The following GNB1 variants were observed in gnomAD, a reference collection of about 807,000 sequenced individuals.
The protein encoded by GNB1 is G protein subunit beta 1.
Under a neutral mutation model 42.9 loss-of-function variants are expected in GNB1, and 2 were observed. The ratio of observed to expected loss-of-function variants is 0.05; its 90% CI spans 0.02 to 0.15. The LOEUF (loss-of-function observed/expected upper bound fraction) is 0.15. Among genes scored for constraint, GNB1 ranks in the 10% least tolerant of loss-of-function variants. The pLI is 1.00. For synonymous variants in GNB1, 183 were observed against 174.7 expected (o/e 1.05, Z -0.38); for missense variants, 193 against 462.2 (o/e 0.42, Z 5.34).
intron 4 of GNB1, among the ~76,000 whole-genome samples, chr1:1,816,312 G>A (rs965239970): frequency 2.6e-5 from 4 of 152,116 alleles, no homozygotes; most frequent in African/African-American, 4.8e-5. Flanking sequence ...GCTTCTGCAC[G>A]ACCATCACTT....
At chr1:1,889,322 T>C (rs1650335668) in intron 1 of GNB1, among the ~76,000 whole-genome samples, 1 of 152,202 alleles carries the variant, frequency 6.6e-6, no homozygotes. Flanking sequence ...TGTTATCAGA[T>C]AGATAGCAAC....
At chr1:1,845,035 C>A (rs914152375) in intron 1 of GNB1, among the ~76,000 whole-genome samples, 1 of 152,132 alleles carries the variant, frequency 6.6e-6, no homozygotes, top group Non-Finnish European at 1.5e-5. Context: ...GTATCATAAT[C>A]TTCAACTATA....
chr1:1,848,322 T>C (rs1647785610), intron 1 of GNB1, among the ~76,000 whole-genome samples: 1 of 136,228 alleles, frequency 7.3e-6, no homozygotes, highest in Non-Finnish European at 1.5e-5. Flanking sequence ...GAGGCTGCAG[T>C]GAGCCAAGAC....
intron 1 of GNB1, among the ~76,000 whole-genome samples, chr1:1,846,724 A>C (rs558229172): frequency 6.6e-6 from 1 of 152,238 alleles, no homozygotes; most frequent in African/African-American, 2.4e-5. Flanking sequence ...GCACGTGACT[A>C]AATTTTTTGT....
chr1:1,847,313 G>T (rs996912843), intron 1 of GNB1, among the ~76,000 whole-genome samples: 1 of 136,068 alleles, frequency 7.3e-6, no homozygotes, highest in Non-Finnish European at 1.8e-5. Flanking sequence ...CCCTTTTTCT[G>T]GACTGGTTCC....
At chr1:1,888,028 C>CA (rs1017120379) in intron 1 of GNB1, among the ~76,000 whole-genome samples, 4 of 151,784 alleles carry the variant, frequency 2.6e-5, no homozygotes, top group Middle Eastern at 3.2e-3. Flanking sequence ...TCCCACCCAC[C>CA]AAAAAAACAG....
At chr1:1,854,380 C>T (rs1001587861) in intron 1 of GNB1, among the ~76,000 whole-genome samples, 1 of 152,188 alleles carries the variant, frequency 6.6e-6, no homozygotes, top group Non-Finnish European at 1.5e-5. Context: ...CCACTTCTAC[C>T]TCTGAATGTG....
intron 2 of GNB1, among the ~76,000 whole-genome samples, chr1:1,834,730 G>A (rs1457369333): frequency 2.7e-5 from 4 of 148,392 alleles, no homozygotes; most frequent in African/African-American, 9.9e-5. Flanking sequence ...GTGCAGTGGT[G>A]CGATCTCGGC....
At chr1:1,881,150 C>T (rs1396814604) in intron 1 of GNB1, among the ~76,000 whole-genome samples, 1 of 152,180 alleles carries the variant, frequency 6.6e-6, no homozygotes, top group African/African-American at 2.4e-5. Flanking sequence ...AAACTAAACT[C>T]ATCATGACCC....
chr1:1,873,802 A>T (rs1000603361), intron 1 of GNB1, among the ~76,000 whole-genome samples: 2 of 152,112 alleles, frequency 1.3e-5, no homozygotes, highest in Non-Finnish European at 2.9e-5. Context: ...TGGGCGACAG[A>T]GCAAGACTCC....
At chr1:1,838,058 C>T (rs536687077) in intron 2 of GNB1, among the ~76,000 whole-genome samples, 3 of 152,002 alleles carry the variant, frequency 2.0e-5, no homozygotes, top group African/African-American at 7.2e-5. Context: ...CAAAAATTAG[C>T]TGGGTGTGGT....
At chr1:1,806,804 T>C (rs1570644650) in intron 5 of GNB1, among the ~76,000 whole-genome samples, 1 of 152,088 alleles carries the variant, frequency 6.6e-6, no homozygotes, top group Non-Finnish European at 1.5e-5. Context: ...CGAAACCCTG[T>C]CTCTATTAAA....
intron 3 of GNB1, among the ~76,000 whole-genome samples, chr1:1,822,306 T>A (rs1391748319): frequency 2.0e-5 from 3 of 148,276 alleles, no homozygotes; most frequent in Admixed American, 6.7e-5. Flanking sequence ...TTTACTTTTT[T>A]TTTTTTTTTT....
chr1:1,837,174 T>C (rs1647163074), intron 2 of GNB1, among the ~76,000 whole-genome samples: 1 of 152,102 alleles, frequency 6.6e-6, no homozygotes, highest in African/African-American at 2.4e-5. Context: ...TGATCTCACA[T>C]CTAAAAACTG....
chr1:1,875,186 T>C (rs955952736), intron 1 of GNB1, among the ~76,000 whole-genome samples: 2 of 151,280 alleles, frequency 1.3e-5, no homozygotes, highest in African/African-American at 2.4e-5. Flanking sequence ...AGACATTTTA[T>C]CTTTTTCTGG....
chr1:1,847,084 A>G (rs758927295), intron 1 of GNB1, among the ~76,000 whole-genome samples: 4 of 152,130 alleles, frequency 2.6e-5, no homozygotes, highest in Non-Finnish European at 5.9e-5. Flanking sequence ...TCTGGAAAAA[A>G]CTGCCACAAA....
At chr1:1,805,264 G>C (rs1017930512) in intron 6 of GNB1, among the ~76,000 whole-genome samples, 2 of 152,190 alleles carry the variant, frequency 1.3e-5, no homozygotes, top group African/African-American at 4.8e-5. Flanking sequence ...TTCGAGACCA[G>C]CCTGGCCTCA....
intron 1 of GNB1, among the ~76,000 whole-genome samples, chr1:1,853,813 C>T (rs1019547503): frequency 1.3e-5 from 2 of 152,084 alleles, no homozygotes; most frequent in Non-Finnish European, 2.9e-5. Flanking sequence ...TACTCTGGTG[C>T]CAGGCACCAG....
chr1:1,868,221 G>A (rs1465235937), intron 1 of GNB1, among the ~76,000 whole-genome samples: 2 of 151,968 alleles, frequency 1.3e-5, no homozygotes, highest in South Asian at 4.1e-4. Flanking sequence ...TTTTGCCCAG[G>A]CTGGAGTGCA....
Sources: gnomAD v4.1 joint callset for allele counts (sites outside exome capture counted in the v4.1 genomes callset) on GRCh38, gnomAD v4.1.1 for gene constraint, MANE v1.5 for transcripts, NCBI Gene and HGNC (gene_info 2026-07-23, HGNC 2026-07-21) for gene names.